RAB27B: variants seen among roughly 807,000 people sequenced by gnomAD.
The protein encoded by RAB27B is ras-related protein Rab-27B.
In RAB27B, 15 loss-of-function variants were observed where a neutral mutation model predicts 24.6. That is an observed-to-expected ratio of 0.61 (90% confidence interval 0.41 to 0.94). The LOEUF (loss-of-function observed/expected upper bound fraction) is 0.94. Among genes scored for constraint, RAB27B ranks in the 40% least tolerant of loss-of-function variants. The pLI, the probability that RAB27B is intolerant of heterozygous loss-of-function variation, is 0.00. For missense variants in RAB27B, 261 were observed against 266.8 expected (o/e 0.98, Z 0.15); for synonymous variants, 105 against 92.5 (o/e 1.14, Z -0.78).
At position 54,888,133 on chromosome 18, in the gene RAB27B, C is replaced by G. The variant is rs1182531037; in HGVS notation, c.467+15C>G. 1.2e-6 allele frequency: 2 copies of G among 1,611,258 alleles called. No homozygotes were observed. The highest frequency in any genetic ancestry group is 2.2e-5 in the East Asian group (1 of 44,832). ...GACAAATATGGGTAAGTCAGTTACA[C>G]TGAGATGGCATGTGACTTGCACACT... On this transcript the variant is annotated intron_variant, in intron 5 of 5. Coordinates refer to ENST00000262094, the MANE Select transcript of RAB27B (RefSeq NM_004163.4).
intron 2 of RAB27B, among the ~76,000 whole-genome samples, chr18:54,789,032 A>G (rs1197501038): frequency 1.3e-5 from 2 of 152,150 alleles, no homozygotes; most frequent in African/African-American, 4.8e-5. Flanking sequence ...TTCCTAATAT[A>G]TTTATCCTAG....
chr18:54,799,190 A>G (rs572914198), intron 2 of RAB27B, among the ~76,000 whole-genome samples: 27 of 152,292 alleles, frequency 1.8e-4, no homozygotes, highest in African/African-American at 9.6e-5. Flanking sequence ...GTTATTGATC[A>G]TGCTAGGATC....
rs569657416 is a variant in RAB27B, at chr18:54,858,477, C to T, written c.-19-19090C>T. 8.7e-4 allele frequency among the ~76,000 whole-genome samples: 132 copies of T among 151,542 alleles called. 3 individuals are homozygous for T. The South Asian group carries it at 0.026, about 30-fold the overall frequency. On this transcript the variant is annotated intron_variant, in intron 1 of 5. Transcript: ENST00000262094. Reference sequence around the variant, plus strand: ...TCGGCTCACTGCAAGCTCCACCTCCCGTGTTCACGCCATTCTCCTGCTCAG... The same window carrying T: ...TCGGCTCACTGCAAGCTCCACCTCCTGTGTTCACGCCATTCTCCTGCTCAG...
chr18:54,720,186 A>G (rs1909313943), intron 2 of RAB27B, among the ~76,000 whole-genome samples: 1 of 152,138 alleles, frequency 6.6e-6, no homozygotes, highest in Admixed American at 6.5e-5. Flanking sequence ...TAAGAAATAA[A>G]ATGTAAAGGC....
At chr18:54,738,658 C>A (rs1055799071) in intron 2 of RAB27B, among the ~76,000 whole-genome samples, 2 of 152,126 alleles carry the variant, frequency 1.3e-5, no homozygotes, top group Non-Finnish European at 2.9e-5. Context: ...CTATCATATC[C>A]CAGACATTGC....
At chr18:54,744,143 G>C (rs1011814667) in intron 2 of RAB27B, among the ~76,000 whole-genome samples, 2 of 152,174 alleles carry the variant, frequency 1.3e-5, no homozygotes, top group Non-Finnish European at 2.9e-5. Context: ...TCATTGGAAA[G>C]TGTGTGAGCC....
chr18:54,768,814 T>G (rs1303980893), intron 2 of RAB27B, among the ~76,000 whole-genome samples: 1 of 151,952 alleles, frequency 6.6e-6, no homozygotes, highest in Admixed American at 6.6e-5. Flanking sequence ...AACAGTCACA[T>G]CTCATGAGAA....
chr18:54,873,067 T>C (rs1912541883), intron 1 of RAB27B, among the ~76,000 whole-genome samples: 1 of 152,202 alleles, frequency 6.6e-6, no homozygotes, highest in Non-Finnish European at 1.5e-5. Context: ...CAGGATAAAA[T>C]TCCCTTTCCA....
At chr18:54,844,143 T>G (rs77714680) in intron 1 of RAB27B, among the ~76,000 whole-genome samples, 5,835 of 152,208 alleles carry the variant, frequency 0.038, 164 homozygotes, top group Admixed American at 0.086. Context: ...TATATCAATA[T>G]CTTCTGAGGG....
intron 1 of RAB27B, among the ~76,000 whole-genome samples, chr18:54,842,708 T>C (rs1467389454): frequency 6.6e-6 from 1 of 152,228 alleles, no homozygotes; most frequent in African/African-American, 2.4e-5. Flanking sequence ...TTAAAAACAT[T>C]CTTAGTCTGC....
intron 1 of RAB27B, among the ~76,000 whole-genome samples, chr18:54,846,012 A>G (rs943687206): frequency 2.6e-5 from 4 of 152,164 alleles, no homozygotes; most frequent in Non-Finnish European, 5.9e-5. Context: ...TAGCTCTCAT[A>G]TTGTAAACAA....
chr18:54,851,592 A>G (rs528160072), intron 1 of RAB27B, among the ~76,000 whole-genome samples: 47 of 152,326 alleles, frequency 3.1e-4, no homozygotes, highest in Non-Finnish European at 1.9e-4. Context: ...CTGAAATTCA[A>G]ATTAAACTGG....
intron 1 of RAB27B, among the ~76,000 whole-genome samples, chr18:54,828,909 C>CAAG (rs1176615535): frequency 6.6e-6 from 1 of 152,198 alleles, no homozygotes; most frequent in Non-Finnish European, 1.5e-5. Flanking sequence ...TGGGCCAACT[C>CAAG]GACCTGGCTC....
chr18:54,855,761 C>A (rs896006512), intron 1 of RAB27B, among the ~76,000 whole-genome samples: 1 of 152,136 alleles, frequency 6.6e-6, no homozygotes, highest in Non-Finnish European at 1.5e-5. Flanking sequence ...AATTCTATAG[C>A]TTTATATTTG....
chr18:54,736,413 G>A (rs1909894658), intron 2 of RAB27B, among the ~76,000 whole-genome samples: 1 of 151,858 alleles, frequency 6.6e-6, no homozygotes, highest in African/African-American at 2.4e-5. Flanking sequence ...TTTCTCATTA[G>A]CAAAATGAAA....
chr18:54,756,501 T>C (rs1264167719), intron 2 of RAB27B, among the ~76,000 whole-genome samples: 2 of 152,132 alleles, frequency 1.3e-5, no homozygotes, highest in Non-Finnish European at 2.9e-5. Context: ...GAACTTACCA[T>C]ACTGTTATTC....
intron 1 of RAB27B, among the ~76,000 whole-genome samples, chr18:54,833,931 C>G (rs1399588038): frequency 2.6e-5 from 4 of 152,146 alleles, no homozygotes; most frequent in African/African-American, 2.4e-5. Flanking sequence ...AGAAACTAGA[C>G]AAGACCAATG....
upstream of RAB27B, among the ~76,000 whole-genome samples, chr18:54,824,302 C>G (rs149985820): frequency 6.6e-3 from 1,012 of 152,300 alleles, 6 homozygotes; most frequent in Non-Finnish European, 0.011. Context: ...GTTCAGCACA[C>G]TCCGTACCTA....
upstream of RAB27B, among the ~76,000 whole-genome samples, chr18:54,827,206 T>C (rs1474115281): frequency 6.6e-6 from 1 of 152,196 alleles, no homozygotes; most frequent in East Asian, 1.9e-4. Flanking sequence ...TCCAAAATAA[T>C]TTTTAGGAAC....
Sources: gnomAD v4.1 joint callset for allele counts (sites outside exome capture counted in the v4.1 genomes callset) on GRCh38, gnomAD v4.1.1 for gene constraint, MANE v1.5 for transcripts, NCBI Gene and HGNC (gene_info 2026-07-23, HGNC 2026-07-21) for gene names.